Variants in GALNT13 observed in about 807,000 individuals in gnomAD.
The protein encoded by GALNT13 is UDP-GalNAc:polypeptide N-acetylgalactosaminyltransferase 13.
In GALNT13, 28 loss-of-function variants were observed where a neutral mutation model predicts 64.2. That is an observed-to-expected ratio of 0.44 (90% confidence interval 0.32 to 0.60). GALNT13 has a LOEUF of 0.60. GALNT13 is among the 20% of genes least tolerant of loss of function. The pLI, the probability that GALNT13 is intolerant of heterozygous loss-of-function variation, is 0.05. For synonymous variants in GALNT13, 214 were observed against 224.6 expected, an observed-to-expected ratio of 0.95 and a Z score of 0.42; for missense variants, 577 against 669.8, an observed-to-expected ratio of 0.86 and a Z score of 1.53.
At chr2:153,541,181 A>G in the GALNT13 span, among the ~76,000 whole-genome samples, 1 of 152,062 alleles carries the variant, frequency 6.6e-6, no homozygotes, top group Non-Finnish European at 1.5e-5. Context: ...ATCATGATAG[A>G]GAGTGAATTC....
the GALNT13 span, among the ~76,000 whole-genome samples, chr2:153,843,203 T>A: frequency 2.0e-5 from 3 of 152,206 alleles, no homozygotes; most frequent in African/African-American, 7.2e-5. Context: ...CTGCAGGCTT[T>A]ACAGGAAACA....
chr2:153,827,373 C>T, the GALNT13 span, among the ~76,000 whole-genome samples: 17 of 152,228 alleles, frequency 1.1e-4, no homozygotes, highest in South Asian at 3.5e-3. Flanking sequence ...CCTGTAATCC[C>T]AGCACTTCGG....
chr2:154,237,206 G>A (rs1053745329), intron 4 of GALNT13, among the ~76,000 whole-genome samples: 14 of 151,768 alleles, frequency 9.2e-5, no homozygotes, highest in African/African-American at 3.4e-4. Flanking sequence ...GAGATTATGA[G>A]CTTTACTCTG....
At chr2:154,304,352 C>A (rs76120462) in intron 9 of GALNT13, among the ~76,000 whole-genome samples, 8,768 of 152,164 alleles carry the variant, frequency 0.058, 325 homozygotes, top group South Asian at 0.13. Flanking sequence ...ATTTATATAA[C>A]CTTTTCATTT....
chr2:153,736,565 G>T, the GALNT13 span, among the ~76,000 whole-genome samples: 1 of 152,060 alleles, frequency 6.6e-6, no homozygotes, highest in Non-Finnish European at 1.5e-5. Flanking sequence ...ACATGTATAT[G>T]TTCATGTATA....
At chr2:153,654,491 T>C in the GALNT13 span, among the ~76,000 whole-genome samples, 1 of 152,064 alleles carries the variant, frequency 6.6e-6, no homozygotes, top group Non-Finnish European at 1.5e-5. Flanking sequence ...ATTTATAGTA[T>C]ACAAAAATCC....
intron 2 of GALNT13, among the ~76,000 whole-genome samples, chr2:153,927,424 C>T (rs1261137435): frequency 2.0e-5 from 3 of 151,862 alleles, no homozygotes; most frequent in East Asian, 3.9e-4. Context: ...CCTGTTATAT[C>T]TCGCATTATA....
At chr2:153,076,825 A>G in the GALNT13 span, among the ~76,000 whole-genome samples, 2 of 152,066 alleles carry the variant, frequency 1.3e-5, no homozygotes, top group East Asian at 3.9e-4. Flanking sequence ...ACTTCTATTG[A>G]GGCTTTATAA....
At chr2:154,408,620 G>T (rs544804534) in intron 10 of GALNT13, among the ~76,000 whole-genome samples, 7 of 152,042 alleles carry the variant, frequency 4.6e-5, no homozygotes, top group African/African-American at 1.7e-4. Flanking sequence ...ATAGTCAATG[G>T]TTATTTGAGT....
chr2:153,136,313 A>G, the GALNT13 span, among the ~76,000 whole-genome samples: 2 of 152,114 alleles, frequency 1.3e-5, no homozygotes, highest in African/African-American at 2.4e-5. Context: ...GCTTATTTTC[A>G]AAGATGAAAA....
chr2:153,478,005 TC>T, the GALNT13 span: 1 of 552,562 alleles, frequency 1.8e-6, no homozygotes, highest in South Asian at 2.5e-5. Context: ...ATCGCCCTCT[TC>T]TTGCCACTTT....
chr2:153,462,899 G>C, the GALNT13 span, among the ~76,000 whole-genome samples: 5,134 of 152,196 alleles, frequency 0.034, 91 homozygotes, highest in Middle Eastern at 0.068. Context: ...ATAAACAGTA[G>C]CTGTATCTTT....
At chr2:153,447,207 A>G in the GALNT13 span, among the ~76,000 whole-genome samples, 1 of 152,230 alleles carries the variant, frequency 6.6e-6, no homozygotes, top group African/African-American at 2.4e-5. Context: ...TGCTTGGCAC[A>G]TAACAGGTTC....
At chr2:154,287,115 C>T in intron 8 of GALNT13, 7 of 1,182,340 alleles carry the variant, frequency 5.9e-6, no homozygotes, top group Non-Finnish European at 7.5e-6. Flanking sequence ...GATGGCATGT[C>T]CTTGACACAT....
chr2:153,776,933 ACAGGGGAATCT>A, the GALNT13 span, among the ~76,000 whole-genome samples: 1 of 152,210 alleles, frequency 6.6e-6, no homozygotes, highest in Non-Finnish European at 1.5e-5. Flanking sequence ...TCCTCAGTGA[ACAGGGGAATCT>A]CATGGTGAAA....
chr2:153,947,076 A>T (rs779610326), intron 3 of GALNT13, among the ~76,000 whole-genome samples: 5 of 152,034 alleles, frequency 3.3e-5, no homozygotes, highest in Non-Finnish European at 7.4e-5. Flanking sequence ...GCAGTTTCTA[A>T]GTTCCCTTAT....
chr2:154,094,187 G>A (rs995827268), intron 3 of GALNT13, among the ~76,000 whole-genome samples: 1 of 151,902 alleles, frequency 6.6e-6, no homozygotes, highest in Non-Finnish European at 1.5e-5. Flanking sequence ...AAAGCCAACT[G>A]GACAAGGTCC....
At chr2:153,361,495 T>A in the GALNT13 span, among the ~76,000 whole-genome samples, 26 of 152,142 alleles carry the variant, frequency 1.7e-4, no homozygotes, top group Admixed American at 1.4e-3. Flanking sequence ...CAGGAGCTGC[T>A]AACTAGAATA....
At chr2:153,622,522 G>A in the GALNT13 span, among the ~76,000 whole-genome samples, 30,065 of 152,152 alleles carry the variant, frequency 0.2, 3,163 homozygotes, top group African/African-American at 0.25. Flanking sequence ...TGCGTATTTA[G>A]TTTATGGTCT....
Sources: allele counts gnomAD v4.1 joint callset (sites outside exome capture counted in the v4.1 genomes callset), GRCh38; gene constraint gnomAD v4.1.1; transcripts MANE v1.5; gene names NCBI Gene and HGNC (gene_info 2026-07-23, HGNC 2026-07-21).